The following CACNB2 variants were observed in gnomAD, a reference collection of about 807,000 sequenced individuals.
CACNB2 encodes the protein voltage-dependent L-type calcium channel subunit beta-2.
In CACNB2, 42 loss-of-function variants were observed where a neutral mutation model predicts 73.3. The ratio of observed to expected loss-of-function variants is 0.57; its 90% CI spans 0.45 to 0.74. The LOEUF (loss-of-function observed/expected upper bound fraction) is 0.74. Among genes scored for constraint, CACNB2 ranks in the 30% least tolerant of loss-of-function variants. The probability of loss-of-function intolerance (pLI) is 0.00; values close to 1 mark genes in which losing one functional copy is unlikely to be tolerated. For synonymous variants in CACNB2, 348 were observed against 310.3 expected (o/e 1.12, Z -1.28); for missense variants, 940 against 853.0 (o/e 1.10, Z -1.27).
At chr10:18,232,028 C>G (rs754570441) in intron 2 of CACNB2, among the ~76,000 whole-genome samples, 7 of 152,104 alleles carry the variant, frequency 4.6e-5, no homozygotes, top group Non-Finnish European at 1.0e-4. Flanking sequence ...ATTTTCCTTC[C>G]CCAAGCACAT....
chr10:18,398,673 A>T (rs2132507780), intron 2 of CACNB2, among the ~76,000 whole-genome samples: 1 of 127,328 alleles, frequency 7.9e-6, no homozygotes, highest in South Asian at 2.7e-4. Flanking sequence ...ACTGTCACAC[A>T]CACACACACA....
intron 2 of CACNB2, among the ~76,000 whole-genome samples, chr10:18,220,865 C>A (rs1310478606): frequency 1.3e-5 from 2 of 152,200 alleles, no homozygotes; most frequent in African/African-American, 2.4e-5. Flanking sequence ...TCCCTACAAT[C>A]CCCCCTAGTC....
intron 2 of CACNB2, among the ~76,000 whole-genome samples, chr10:18,383,485 C>T (rs2043100189): frequency 6.6e-6 from 1 of 152,118 alleles, no homozygotes; most frequent in African/African-American, 2.4e-5. Flanking sequence ...TTGTTATGTT[C>T]ATAGAGGTGT....
In CACNB2 at chr10:18,539,766, T is replaced by C. The variant is rs777548589; in HGVS notation, c.*42T>C. The C allele has an allele frequency of 1.9e-5, 29 of 1,566,160 alleles. No individual in the cohort carries two copies. Among genetic ancestry groups the C allele is most frequent in the Non-Finnish European group, 2.2e-5 (25 of 1,159,334 alleles). On this transcript the variant is annotated 3_prime_UTR_variant, in exon 14 of 14. Transcript: ENST00000324631. The stretch of plus-strand genomic sequence containing the variant: ...TTTTTTTTTTTTTTTTTTTGAAGTC[T>C]TGTATAACTAACAGCATCCCCAAAA...
intron 6 of CACNB2, among the ~76,000 whole-genome samples, chr10:18,508,559 A>T (rs898874540): frequency 6.6e-6 from 1 of 152,210 alleles, no homozygotes; most frequent in Non-Finnish European, 1.5e-5. Context: ...TCTGCCTGCA[A>T]ATGTCAGCCT....
intron 2 of CACNB2, among the ~76,000 whole-genome samples, chr10:18,186,866 A>C (rs2034177715): frequency 6.6e-6 from 1 of 152,252 alleles, no homozygotes; most frequent in Admixed American, 6.5e-5. Context: ...AAATAAAATC[A>C]GTCAATAAAA....
chr10:18,507,677 A>G (rs562145079), intron 6 of CACNB2, among the ~76,000 whole-genome samples: 1 of 152,306 alleles, frequency 6.6e-6, no homozygotes, highest in South Asian at 2.1e-4. Flanking sequence ...TGCTAAGAGA[A>G]TTGTTATTGG....
At chr10:18,340,908 C>T in intron 2 of CACNB2, 1 of 1,614,102 alleles carries the variant, frequency 6.2e-7, no homozygotes, top group Non-Finnish European at 8.5e-7. Context: ...GTGCTGGGCG[C>T]ACTTGGAATT....
At chr10:18,415,117 C>G (rs12252497) in intron 3 of CACNB2, among the ~76,000 whole-genome samples, 71 of 152,240 alleles carry the variant, frequency 4.7e-4, no homozygotes, top group Middle Eastern at 3.4e-3. Context: ...AGCTCATGGT[C>G]TAATGGTCAT....
intron 2 of CACNB2, chr10:18,401,059 A>G: frequency 6.2e-7 from 1 of 1,614,186 alleles, no homozygotes; most frequent in Non-Finnish European, 8.5e-7. Context: ...CAGGCTTCTG[A>G]AAAGAGCCAA....
chr10:18,487,128 A>G (rs1003042123), intron 3 of CACNB2, among the ~76,000 whole-genome samples: 11 of 152,170 alleles, frequency 7.2e-5, no homozygotes, highest in African/African-American at 2.4e-4. Flanking sequence ...GATGCTGGCC[A>G]GCCCACCCTA....
In CACNB2 at chr10:18,377,677, C is replaced by A. The variant is rs554670058; in HGVS notation, c.214-24247C>A. Among the ~76,000 whole-genome samples, 11 of 152,120 alleles carry A rather than the reference C, an allele frequency of 7.2e-5. 1 individual carries two copies. Among genetic ancestry groups the A allele is most frequent in the Admixed American group, 2.6e-4 (4 of 15,258 alleles). ...AAAGAGGCAGTGGATCAACTTAGGC[C>A]CATGAGCTATAGTTGGCTGATCTCT... On this transcript the variant is annotated intron_variant, in intron 2 of 13. Transcript: ENST00000324631.
At chr10:18,384,693 G>T (rs1331244596) in intron 2 of CACNB2, among the ~76,000 whole-genome samples, 1 of 151,462 alleles carries the variant, frequency 6.6e-6, no homozygotes, top group African/African-American at 2.4e-5. Flanking sequence ...TATTGCCATT[G>T]TACTCCAGCC....
intron 2 of CACNB2, among the ~76,000 whole-genome samples, chr10:18,225,727 C>T (rs1013380364): frequency 3.3e-5 from 5 of 151,996 alleles, no homozygotes; most frequent in African/African-American, 9.7e-5. Context: ...GCAACCTCCA[C>T]CTCCCGGGCT....
At chr10:18,448,094 C>G (rs1361790830) in intron 3 of CACNB2, among the ~76,000 whole-genome samples, 1 of 152,148 alleles carries the variant, frequency 6.6e-6, no homozygotes, top group Non-Finnish European at 1.5e-5. Context: ...TGGGCTTAAG[C>G]AGTCCTCCCA....
At chr10:18,392,531 T>C (rs542710466) in intron 2 of CACNB2, among the ~76,000 whole-genome samples, 69 of 152,238 alleles carry the variant, frequency 4.5e-4, no homozygotes, top group African/African-American at 1.3e-3. Context: ...GCCAACTTTT[T>C]CTATGCATTA....
At chr10:18,246,102 T>C (rs184225881) in intron 2 of CACNB2, among the ~76,000 whole-genome samples, 1 of 152,244 alleles carries the variant, frequency 6.6e-6, no homozygotes, top group East Asian at 1.9e-4. Flanking sequence ...GATGAAAGAC[T>C]GTGTGTCTAC....
At chr10:18,441,885 T>C (rs1054206656) in intron 3 of CACNB2, among the ~76,000 whole-genome samples, 6 of 152,220 alleles carry the variant, frequency 3.9e-5, no homozygotes, top group African/African-American at 1.4e-4. Flanking sequence ...CCTCCCAAAA[T>C]GTTGGGATTA....
At chr10:18,318,717 C>T (rs1407435770) in intron 2 of CACNB2, among the ~76,000 whole-genome samples, 1 of 152,032 alleles carries the variant, frequency 6.6e-6, no homozygotes, top group Non-Finnish European at 1.5e-5. Context: ...TGACAAAGGT[C>T]TAATATCCAG....
Sources: gnomAD v4.1 joint callset for allele counts (sites outside exome capture counted in the v4.1 genomes callset) on GRCh38, gnomAD v4.1.1 for gene constraint, MANE v1.5 for transcripts, NCBI Gene and HGNC (gene_info 2026-07-23, HGNC 2026-07-21) for gene names.